PTCH2: variants seen among roughly 807,000 people sequenced by gnomAD.
PTCH2 encodes patched 2, also known as protein patched homolog 2.
Under a neutral mutation model 117.9 loss-of-function variants are expected in PTCH2, and 96 were observed. The ratio of observed to expected loss-of-function variants is 0.81; its 90% CI spans 0.69 to 0.96. The LOEUF is 0.96. Ranked by LOEUF, PTCH2 falls within the 50% of genes least tolerant of loss-of-function variation. The pLI is 0.00. For missense variants in PTCH2, 1,379 were observed against 1,562.5 expected (o/e 0.88, Z 1.98); for synonymous variants, 615 against 660.9 (o/e 0.93, Z 1.06).
At position 44,842,877 on chromosome 1, in the gene PTCH2, C is replaced by T; in HGVS notation, c.56G>A (p.Arg19Gln). 6.4e-7 allele frequency: 1 copy of T among 1,550,838 alleles called. No individual in the cohort carries two copies. The highest frequency in any genetic ancestry group is 8.7e-7 in the Non-Finnish European group (1 of 1,146,536). The change falls in exon 1 of 22, where the codon CGA (arginine) becomes CAA (glutamine). Residue 19 changes from arginine to glutamine, a missense_variant. Coordinates refer to ENST00000372192, the MANE Select transcript of PTCH2 (RefSeq NM_003738.5). ...TCTACTCACCTGGGGTGCTGCGGTT[C>T]GAGCTGGGGGTGTGTAACTCGGGGG... ...ELPPSYTPPA[R>Q]TAAPQILAGS...
At position 44,826,477 on chromosome 1, in the gene PTCH2, C is replaced by T; in HGVS notation, c.2976+11G>A. ...TGGGGTGTCTCTGTCCCCACTCCTG[C>T]AAGCACTCACTATGAGGCCAGCCGT... On this transcript the variant is annotated intron_variant, in intron 18 of 21. Coordinates refer to ENST00000372192, the MANE Select transcript of PTCH2 (RefSeq NM_003738.5). The surrounding 1 kb of genome is among the most constrained non-coding windows in gnomAD (Gnocchi z 5.1). 1 of 1,613,784 alleles carries T rather than the reference C, an allele frequency of 6.2e-7. No homozygotes were observed. Among genetic ancestry groups the T allele is most frequent in the South Asian group, 1.1e-5 (1 of 91,084 alleles).
chr1:44,835,051 A>C (rs893732818), intron 2 of PTCH2, among the ~76,000 whole-genome samples: 9 of 152,198 alleles, frequency 5.9e-5, no homozygotes, highest in African/African-American at 2.2e-4. Flanking sequence ...GAGAATATCA[A>C]GATTGATACA....
Position 44,827,251 on chromosome 1 carries a change from G to A in PTCH2, c.2430C>T (p.Tyr810=), listed in dbSNP as rs956899832. The A allele has an allele frequency of 1.2e-6, 2 of 1,614,068 alleles. No homozygotes were observed. Among genetic ancestry groups the A allele is most frequent in the Non-Finnish European group, 1.7e-6 (2 of 1,180,038 alleles). Residue 810 remains tyrosine (Y), a synonymous_variant, in exon 16 of 22, where the codon TAC becomes TAT. Transcript: ENST00000372192. The part of the protein sequence containing the change: ...WASGRITRHS[Y]RNGSEDGALA... ...GGGCCCCATCCTCAGAGCCATTGCGGTACGAGTGGCGGGTGATGCGCCCAG... is the reference window on the plus strand; with the variant it reads ...GGGCCCCATCCTCAGAGCCATTGCGATACGAGTGGCGGGTGATGCGCCCAG...
chr1:44,827,101 C>CT lies in PTCH2; in HGVS notation c.2515-20dup. 6.2e-7 allele frequency: 1 copy of CT among 1,613,964 alleles called. No individual in the cohort carries two copies. The highest frequency in any genetic ancestry group is 8.5e-7 in the Non-Finnish European group (1 of 1,179,938). ...TGGTCAGCTGCAGAGGCAGAGAGGG[C>CT]TGAAGGCCTGGGCCCAGGAGGCCTG... is the stretch of plus-strand genomic sequence containing the variant. On this transcript the variant is annotated intron_variant, in intron 16 of 21. Transcript: ENST00000372192.
chr1:44,832,246 G>C lies in PTCH2; in HGVS notation c.361C>G (p.Gln121Glu), dbSNP rs1283398362. The C allele has an allele frequency of 6.2e-7, 1 of 1,614,086 alleles. No homozygotes were observed. Among genetic ancestry groups the C allele is most frequent in the Non-Finnish European group, 8.5e-7 (1 of 1,180,044 alleles). The change falls in exon 3 of 22, where the codon CAG becomes GAG. Residue 121 changes from glutamine to glutamate, a missense_variant. Coordinates refer to ENST00000372192, the MANE Select transcript of PTCH2 (RefSeq NM_003738.5). Reference protein sequence around the residue: ...TSQMLIQTARQEGENILTPEA... With the variant: ...TSQMLIQTAREEGENILTPEA... Reference sequence around the variant, plus strand: ...GGTGTGAGGATGTTCTCTCCCTCCTGGCGTGCGGTCTGTATCAGCATCTGA... The same window carrying C: ...GGTGTGAGGATGTTCTCTCCCTCCTCGCGTGCGGTCTGTATCAGCATCTGA...
rs978308086 is a variant in PTCH2 at position 44,842,967 on chromosome 1, C to A, written c.-35G>T. ...GATGGGGGGCGCGGGCGCCCCCAAC[C>A]CGCGTTATCTGGGCGCTCCCATAGG... is the stretch of plus-strand genomic sequence containing the variant. On this transcript the variant is annotated 5_prime_UTR_variant, in exon 1 of 22. Coordinates refer to ENST00000372192, the MANE Select transcript of PTCH2 (RefSeq NM_003738.5). 3 of 1,517,886 alleles carry A rather than the reference C, an allele frequency of 2.0e-6. No individual in the cohort carries two copies. The African/African-American group carries it at 4.2e-5, about 21-fold the overall frequency. 94.0% of individuals were successfully genotyped at this position (1,517,886 alleles called of 1,614,324 possible).
Position 44,831,619 on chromosome 1 carries a change from T to C in PTCH2, c.617+87A>G. On this transcript the variant is annotated intron_variant, in intron 5 of 21. Transcript: ENST00000372192. This position sits in a 1 kb window ranked among gnomAD's most constrained non-coding sequence, Gnocchi z 4.3. ...AGGTAATTAGGACCTTGGTAAGGTT[T>C]TGATCATCCTCATTCCCCAGACCCC... The C allele has an allele frequency of 7.4e-7, 1 of 1,346,154 alleles. No homozygotes were observed. Among genetic ancestry groups the C allele is most frequent in the East Asian group, 2.5e-5 (1 of 39,890 alleles). 83.4% of individuals were successfully genotyped at this position (1,346,154 alleles called of 1,614,324 possible). A position where few individuals can be genotyped will look rare whatever the true frequency, so the allele number is the denominator to read the frequency against.
At chr1:44,820,320 G>A (rs947498433), downstream of PTCH2, 1 of 494,284 alleles carries the variant, frequency 2.0e-6, no homozygotes, top group Non-Finnish European at 4.0e-6. Context: ...CCCGCACCCC[G>A]TGGGCGGCGC....
At chr1:44,830,179 A>G (rs557237246) in intron 6 of PTCH2, 149 bp from the exon 7 acceptor site, 2 of 1,112,342 alleles carry the variant, frequency 1.8e-6, no homozygotes, top group Admixed American at 5.2e-5. Flanking sequence ...ACTGCTCTGC[A>G]GGAGTGAACA....
At chr1:44,820,258 G>A, downstream of PTCH2, 1 of 414,536 alleles carries the variant, frequency 2.4e-6, no homozygotes, top group Non-Finnish European at 4.9e-6. Flanking sequence ...GAAGCCATGG[G>A]TCACTGATCT....
chr1:44,841,218 G>GA (rs1437487849), intron 2 of PTCH2, among the ~76,000 whole-genome samples: 1 of 134,172 alleles, frequency 7.5e-6, no homozygotes, highest in Non-Finnish European at 1.6e-5. Context: ...AAAACCCCAA[G>GA]AAAATCATTC....
intron 2 of PTCH2, among the ~76,000 whole-genome samples, chr1:44,837,682 G>A (rs955347600): frequency 6.6e-6 from 1 of 152,148 alleles, no homozygotes; most frequent in South Asian, 2.1e-4. Flanking sequence ...TTACAAGCAT[G>A]AGCCACCACG....
chr1:44,834,979 A>G (rs536601114), intron 2 of PTCH2, among the ~76,000 whole-genome samples: 1 of 152,370 alleles, frequency 6.6e-6, no homozygotes, highest in East Asian at 1.9e-4. Flanking sequence ...AAGTGACAGA[A>G]AAATGAGAAG....
intron 2 of PTCH2, among the ~76,000 whole-genome samples, chr1:44,840,076 C>G (rs1483200986): frequency 1.4e-5 from 2 of 147,294 alleles, no homozygotes; most frequent in East Asian, 3.9e-4. Flanking sequence ...AACCAGCCCT[C>G]AGGAAAGAAG....
chr1:44,820,198 C>T (rs963341934), downstream of PTCH2: 3 of 358,648 alleles, frequency 8.4e-6, no homozygotes, highest in South Asian at 6.1e-5. Flanking sequence ...TCGTGGTGCA[C>T]CATGGGTATG....
chr1:44,831,027 G>A lies in PTCH2; in HGVS notation c.634C>T (p.Gln212Ter), dbSNP rs779090972. The A allele has an allele frequency of 3.1e-6, 5 of 1,611,626 alleles. No homozygotes were observed. The highest frequency in any genetic ancestry group is 4.2e-6 in the Non-Finnish European group (5 of 1,179,344). Residue 212 changes from glutamine to a stop codon, truncating the protein, a stop_gained, in exon 6 of 22, where the codon CAG becomes TAG. Coordinates refer to ENST00000372192, the MANE Select transcript of PTCH2 (RefSeq NM_003738.5). LOFTEE classifies it high-confidence loss of function. The surrounding 1 kb of genome is among the most constrained non-coding windows in gnomAD (Gnocchi z 4.3). ...TGCTCTGGATCCAGGTTGGTCCACTGGATATCCGGGCGGCCGCTGAGGGAA... is the reference window on the plus strand; with the variant it reads ...TGCTCTGGATCCAGGTTGGTCCACTAGATATCCGGGCGGCCGCTGAGGGAA... ...SAYLPGRPDI[Q>*]WTNLDPEQLL... is the part of the protein sequence containing the mutation.
At position 44,822,574 on chromosome 1, in the gene PTCH2, C is replaced by T. The variant is rs917619041; in HGVS notation, c.3453G>A (p.Gln1151=). The T allele has an allele frequency of 1.3e-5, 21 of 1,613,976 alleles. No homozygotes were observed. Among genetic ancestry groups the T allele is most frequent in the Non-Finnish European group, 1.7e-5 (20 of 1,179,998 alleles). ...TGGAGGTAGTCACTCTGGCAAAGCT[C>T]TGGGGCAGGGAGGAGGATGCCCCCC... The part of the protein sequence containing the change: ...LRWGASSSLP[Q]SFARVTTSMT... Residue 1151 remains glutamine, a synonymous_variant, in exon 22 of 22, where the codon CAG becomes CAA. Transcript: ENST00000372192.
At chr1:44,821,628 A>G (rs2148870519), downstream of PTCH2, 1 of 365,874 alleles carries the variant, frequency 2.7e-6, no homozygotes, top group Non-Finnish European at 3.8e-6. Context: ...GTCTGGAGAG[A>G]CGGGCAGGCT....
Position 44,827,015 on chromosome 1 carries a change from G to A in PTCH2, c.2582C>T (p.Thr861Ile), listed in dbSNP as rs1452021020. Residue 861 changes from threonine to isoleucine, a missense_variant, in exon 17 of 22, where the codon ACC becomes ATC. Coordinates refer to ENST00000372192, the MANE Select transcript of PTCH2 (RefSeq NM_003738.5). ...IPPELFYMGL[T>I]VWVSSDPLGL... ...CAGGGGGTCACTGCTCACCCACACG[G>A]TCAGCCCCATGTAGAAGAGCTCGGG... 6.2e-7 allele frequency: 1 copy of A among 1,614,100 alleles called. No homozygotes were observed. The highest frequency in any genetic ancestry group is 8.5e-7 in the Non-Finnish European group (1 of 1,180,018).
Sources: allele counts gnomAD v4.1 joint callset (sites outside exome capture counted in the v4.1 genomes callset), GRCh38; gene constraint gnomAD v4.1.1; non-coding constraint Gnocchi (gnomAD v3.1); transcripts MANE v1.5; gene names NCBI Gene and HGNC (gene_info 2026-07-23, HGNC 2026-07-21).